DMXL1: variants seen among roughly 807,000 people sequenced by gnomAD.
DMXL1 encodes the protein dmX-like protein 1.
DMXL1 carries 99 observed loss-of-function variants against 319.2 expected under a neutral mutation model. The ratio of observed to expected loss-of-function variants is 0.31; its 90% CI spans 0.26 to 0.37. The LOEUF (loss-of-function observed/expected upper bound fraction) is 0.37. DMXL1 is among the 10% of genes least tolerant of loss of function. The pLI is 1.00. For synonymous variants in DMXL1, 1,385 were observed against 1,235.2 expected, an observed-to-expected ratio of 1.12 and a Z score of -2.54; for missense variants, 3,745 against 3,595.6, an observed-to-expected ratio of 1.04 and a Z score of -1.06.
chr5:119,139,019 A>T (rs1766664694), intron 13 of DMXL1: 1 of 152,260 alleles, frequency 6.6e-6, no homozygotes, highest in Admixed American at 6.5e-5. Context: ...AAAAGTCTTC[A>T]ACCAAGAATT....
At chr5:119,089,997 G>GCCTTTTTTTTTTTTTTTTTTT in intron 1 of DMXL1, among the ~76,000 whole-genome samples, 1 of 42,376 alleles carries the variant, frequency 2.4e-5, no homozygotes, top group East Asian at 6.8e-4. Context: ...CTTCGGGTTA[G>GCCTTTTTTTTTTTTTTTTTTT]TCTTTTTTTT....
chr5:119,107,688 C>T (rs951272479), intron 4 of DMXL1, among the ~76,000 whole-genome samples: 3 of 152,010 alleles, frequency 2.0e-5, no homozygotes, highest in African/African-American at 4.8e-5. Context: ...TTAATGTTAT[C>T]TTCAGTTTAT....
chr5:119,220,560 G>C lies in DMXL1; in HGVS notation c.8102G>C (p.Trp2701Ser), dbSNP rs771811497. The C allele has an allele frequency of 1.7e-5, 27 of 1,613,764 alleles. No homozygotes were observed. The highest frequency in any genetic ancestry group is 2.2e-5 in the Non-Finnish European group (26 of 1,179,892). Reference protein sequence around the residue: ...SGILATQVYTWVDDDIEVETK... With the variant: ...SGILATQVYTSVDDDIEVETK... The stretch of plus-strand genomic sequence containing the variant: ...ATTCTGGCCACACAGGTCTACACTT[G>C]GGTAGATGATGATATAGAAGTGGAA... Residue 2701 changes from tryptophan (W) to serine (S), a missense_variant, in exon 36 of 44, where the codon TGG (tryptophan) becomes TCG (serine). Trp to Ser is a radical substitution (Grantham distance 177). Coordinates refer to ENST00000539542, the MANE Select transcript of DMXL1 (RefSeq NM_001290321.3).
chr5:119,071,775 A>G (rs561594569), intron 1 of DMXL1, 119 bp downstream of exon 1: 2 of 845,514 alleles, frequency 2.4e-6, no homozygotes, highest in Admixed American at 3.0e-5. Context: ...GGGGGTCCTT[A>G]CCACCCAGAA....
rs903342800 is a variant in DMXL1 at position 119,138,413 on chromosome 5, C to T, written c.2376+4024C>T. 2.0e-5 allele frequency among the ~76,000 whole-genome samples: 3 copies of T among 152,078 alleles called. 1 individual carries two copies. Among genetic ancestry groups the T allele is most frequent in the Admixed American group, 2.0e-4 (3 of 15,272 alleles). On this transcript the variant is annotated intron_variant, in intron 13 of 43. Transcript: ENST00000539542. The stretch of plus-strand genomic sequence containing the variant: ...AATTTTGAGATGCCTGTTTGACATC[C>T]AAAAGACATAGTAGGTTAGTATCTG...
intron 35 of DMXL1, among the ~76,000 whole-genome samples, chr5:119,217,458 T>C (rs1783881804): frequency 6.6e-6 from 1 of 152,164 alleles, no homozygotes; most frequent in South Asian, 2.1e-4. Context: ...TCCTTAGATG[T>C]CTATACACTC....
chr5:119,123,240 C>A (rs530915717), intron 9 of DMXL1, among the ~76,000 whole-genome samples: 8 of 151,184 alleles, frequency 5.3e-5, no homozygotes, highest in Admixed American at 2.0e-4. Context: ...TGCAGTGAGC[C>A]GAGATGGCGG....
chr5:119,178,126 A>G lies in DMXL1; in HGVS notation c.7017A>G (p.Ser2339=), dbSNP rs765757629. The part of the protein sequence containing the change: ...SLFIHGLATH[S]SNELFRIVAH... The stretch of plus-strand genomic sequence containing the variant: ...TCATCCATGGCCTGGCCACACATTC[A>G]AGTAATGAGCTATTTCGGATTGTGG... Residue 2339 remains serine, a synonymous_variant, in exon 28 of 44, where the codon TCA becomes TCG. Transcript: ENST00000539542. 1.9e-6 allele frequency: 3 copies of G among 1,613,938 alleles called. No homozygotes were observed. Among genetic ancestry groups the G allele is most frequent in the East Asian group, 4.5e-5 (2 of 44,874 alleles).
intron 4 of DMXL1, among the ~76,000 whole-genome samples, chr5:119,107,164 C>G (rs1487747293): frequency 6.6e-6 from 1 of 151,802 alleles, no homozygotes; most frequent in African/African-American, 2.4e-5. Context: ...TAGGGAGACT[C>G]CATCTCTACA....
intron 19 of DMXL1, among the ~76,000 whole-genome samples, chr5:119,159,597 C>T (rs1043732831): frequency 2.0e-5 from 3 of 152,128 alleles, no homozygotes; most frequent in Non-Finnish European, 4.4e-5. Context: ...AGTGTCTCTT[C>T]GTTAACTTCT....
chr5:119,212,626 T>A (rs1782995798), intron 34 of DMXL1, among the ~76,000 whole-genome samples: 1 of 152,230 alleles, frequency 6.6e-6, no homozygotes, highest in African/African-American at 2.4e-5. Context: ...ATAATCTCTT[T>A]AAATCTCTTT....
chr5:119,233,268 A>C (rs953154197), intron 38 of DMXL1, 72 bp from the exon 39 acceptor site: 38 of 1,467,642 alleles, frequency 2.6e-5, no homozygotes, highest in Non-Finnish European at 3.3e-5. Context: ...AGATTTTCAC[A>C]TAGGATAAAG....
Position 119,197,922 on chromosome 5 carries a change from A to G in DMXL1, c.7711A>G (p.Lys2571Glu), listed in dbSNP as rs1292755462. 6.2e-7 allele frequency: 1 copy of G among 1,614,166 alleles called. No individual in the cohort carries two copies. Among genetic ancestry groups the G allele is most frequent in the Admixed American group, 1.7e-5 (1 of 60,006 alleles). Residue 2571 changes from lysine (K) to glutamate (E), a missense_variant, in exon 32 of 44, where the codon AAA (lysine) becomes GAA (glutamate). By Grantham distance (56) the Lys-to-Glu change is moderately conservative. Around this residue, in one of 4 missense-constraint regions of DMXL1, gnomAD observed 1,382 missense variants for 1,269.5 expected, o/e 1.09. Coordinates refer to ENST00000539542, the MANE Select transcript of DMXL1 (RefSeq NM_001290321.3). The stretch of plus-strand genomic sequence containing the variant: ...TGCAGGTCCTGCAATTCTTCGCCAC[A>G]AAGCTTTACTGGAACCTACAAACAC... ...LSAGPAILRH[K>E]ALLEPTNTPF... is the part of the protein sequence containing the mutation.
At chr5:119,103,657 C>G (rs1321244277) in intron 3 of DMXL1, among the ~76,000 whole-genome samples, 1 of 151,946 alleles carries the variant, frequency 6.6e-6, no homozygotes, top group East Asian at 1.9e-4. Context: ...TATAGATTGC[C>G]TAGTGAATCC....
At chr5:119,131,337 G>A (rs1007234391) in intron 10 of DMXL1, among the ~76,000 whole-genome samples, 1 of 152,170 alleles carries the variant, frequency 6.6e-6, no homozygotes, top group Middle Eastern at 3.4e-3. Flanking sequence ...TACCTGTATT[G>A]ATAAGTTGAT....
intron 10 of DMXL1, among the ~76,000 whole-genome samples, chr5:119,130,430 C>A (rs1217217827): frequency 6.6e-6 from 1 of 152,012 alleles, no homozygotes; most frequent in Admixed American, 6.6e-5. Flanking sequence ...GCAGCCTCCA[C>A]CTCCCGGGTT....
chr5:119,179,701 G>A (rs1331019465), intron 28 of DMXL1, among the ~76,000 whole-genome samples: 4 of 152,106 alleles, frequency 2.6e-5, no homozygotes, highest in Non-Finnish European at 5.9e-5. Context: ...CTGTGGCCCT[G>A]CATGACTATA....
rs556009322 is a variant in DMXL1 at position 119,101,795 on chromosome 5, C to G, written c.214-140C>G. On this transcript the variant is annotated intron_variant, in intron 2 of 43. Coordinates refer to ENST00000539542, the MANE Select transcript of DMXL1 (RefSeq NM_001290321.3). ...ATTCTAATGCAGATGTGATAGTCTT[C>G]AAAACTGACATTCTTAAGCATCAGT... 100 of 640,590 alleles carry G rather than the reference C, an allele frequency of 1.6e-4. No individual in the cohort carries two copies. In the African/African-American group the frequency reaches 1.8e-3, roughly 11 times the overall value. 39.7% of individuals were successfully genotyped at this position (640,590 alleles called of 1,614,324 possible). A position where few individuals can be genotyped will look rare whatever the true frequency, so the allele number is the denominator to read the frequency against.
At chr5:119,214,222 C>G (rs555917677) in intron 34 of DMXL1, among the ~76,000 whole-genome samples, 1 of 152,266 alleles carries the variant, frequency 6.6e-6, no homozygotes, top group South Asian at 2.1e-4. Context: ...CCTATCAGGC[C>G]TGACACTAGG....
Sources: gnomAD v4.1 joint callset for allele counts (sites outside exome capture counted in the v4.1 genomes callset) on GRCh38, gnomAD v4.1.1 for gene constraint, gnomAD v4.1.1 regional missense constraint, MANE v1.5 for transcripts, NCBI Gene and HGNC (gene_info 2026-07-23, HGNC 2026-07-21) for gene names.